Variants in AFG3L2 observed in about 807,000 individuals in gnomAD.
AFG3L2 encodes mitochondrial inner membrane m-AAA protease component AFG3L2.
In AFG3L2, 54 loss-of-function variants were observed where a neutral mutation model predicts 94.5. The ratio of observed to expected loss-of-function variants is 0.57; its 90% confidence interval spans 0.46 to 0.72. The LOEUF is 0.72. AFG3L2 is among the 30% of genes least tolerant of loss of function. The pLI, the probability that AFG3L2 is intolerant of heterozygous loss-of-function variation, is 0.00. For synonymous variants in AFG3L2, 377 were observed against 365.5 expected (o/e 1.03, Z -0.36); for missense variants, 754 against 994.9 (o/e 0.76, Z 3.26).
At chr18:12,338,536 G>A (rs958660925) in intron 15 of AFG3L2, among the ~76,000 whole-genome samples, 33 of 152,096 alleles carry the variant, frequency 2.2e-4, no homozygotes, top group African/African-American at 7.7e-4. Context: ...AAAAAGAGAA[G>A]GCCCAGATAA....
rs762474283 is a variant in AFG3L2 at position 12,351,069 on chromosome 18, G to A, written c.1552+16C>T. ...TAATATGCTTCTAAATAGGGTCCTCGTTATTTTCCACTCACCTGAAAACCC... is the reference window on the plus strand; with the variant it reads ...TAATATGCTTCTAAATAGGGTCCTCATTATTTTCCACTCACCTGAAAACCC... On this transcript the variant is annotated intron_variant, in intron 12 of 16. Coordinates refer to ENST00000269143, the MANE Select transcript of AFG3L2 (RefSeq NM_006796.3). The A allele has an allele frequency of 1.7e-5, 27 of 1,612,124 alleles. No individual in the cohort carries two copies. The South Asian group carries it at 2.1e-4, about 12-fold the overall frequency.
intron 3 of AFG3L2, 146 bp downstream of exon 3, chr18:12,370,703 C>A: frequency 1.7e-6 from 1 of 599,214 alleles, no homozygotes. Context: ...AAGTGATCCA[C>A]CCGCCTAGGC....
intron 10 of AFG3L2, among the ~76,000 whole-genome samples, chr18:12,352,331 T>C (rs944601380): frequency 9.9e-5 from 15 of 151,476 alleles, no homozygotes; most frequent in Non-Finnish European, 2.1e-4. Context: ...TATGCCTGGC[T>C]TCATCATTGA....
At chr18:12,375,424 A>C (rs1252079183) in intron 1 of AFG3L2, among the ~76,000 whole-genome samples, 9 of 151,072 alleles carry the variant, frequency 6.0e-5, no homozygotes, top group Non-Finnish European at 8.8e-5. Context: ...AAAAAAAAAA[A>C]AAACAATTTG....
intron 5 of AFG3L2, 120 bp from the exon 6 acceptor site, chr18:12,363,976 T>C: frequency 1.2e-6 from 1 of 810,898 alleles, no homozygotes; most frequent in Non-Finnish European, 2.1e-6. Context: ...AAGAATCAGA[T>C]AAAGATGCCC....
chr18:12,332,472 T>G (rs987511968), intron 16 of AFG3L2, among the ~76,000 whole-genome samples: 1 of 152,166 alleles, frequency 6.6e-6, no homozygotes, highest in African/African-American at 2.4e-5. Flanking sequence ...GTTATGTTTT[T>G]AAAGATATAA....
chr18:12,352,707 A>G (rs1203910017), intron 10 of AFG3L2, among the ~76,000 whole-genome samples: 1 of 152,088 alleles, frequency 6.6e-6, no homozygotes, highest in Non-Finnish European at 1.5e-5. Flanking sequence ...ATATTTTGCT[A>G]TTATTTGTAT....
At chr18:12,376,571 G>C (rs1431079736) in intron 1 of AFG3L2, among the ~76,000 whole-genome samples, 1 of 152,226 alleles carries the variant, frequency 6.6e-6, no homozygotes, top group East Asian at 1.9e-4. Flanking sequence ...AGGTTAGGCA[G>C]CCCGACTCCA....
chr18:12,333,029 TA>T (rs1323325006), intron 16 of AFG3L2, among the ~76,000 whole-genome samples: 97 of 65,282 alleles, frequency 1.5e-3, no homozygotes, highest in African/African-American at 4.0e-3. Flanking sequence ...TAATAATATA[TA>T]AAAATATATA....
chr18:12,362,229 G>A lies in AFG3L2; in HGVS notation c.627+1553C>T, dbSNP rs532822084. Among the ~76,000 whole-genome samples, 46 of 152,322 alleles carry A rather than the reference G, an allele frequency of 3.0e-4. No homozygotes were observed. In the South Asian group the frequency reaches 6.2e-3, roughly 21 times the overall value. ...CTAGTCAAGAGTAGAACTGATGTAA[G>A]GCTAAAGGCTGTGTGTGTGCAGCAC... On this transcript the variant is annotated intron_variant, in intron 6 of 16. Transcript: ENST00000269143.
chr18:12,360,060 A>G lies in AFG3L2; in HGVS notation c.628-9T>C, dbSNP rs745825310. 1.2e-6 allele frequency: 2 copies of G among 1,613,514 alleles called. No homozygotes were observed. Among genetic ancestry groups the G allele is most frequent in the Non-Finnish European group, 1.7e-6 (2 of 1,179,492 alleles). ...TTAAACCAAACGTATTGCTATAAAA[A>G]CAAAAAAACAAATATCCTAAGAATG... is the stretch of plus-strand genomic sequence containing the variant. On this transcript the variant is annotated splice_polypyrimidine_tract_variant and intron_variant, in intron 6 of 16. Transcript: ENST00000269143.
chr18:12,351,290 G>T lies in AFG3L2; in HGVS notation c.1426+16C>A. The T allele has an allele frequency of 6.2e-7, 1 of 1,614,050 alleles. No individual in the cohort carries two copies. The highest frequency in any genetic ancestry group is 8.5e-7 in the Non-Finnish European group (1 of 1,179,958). ...ACTCATGAGCACTGGACCTGCCCCA[G>T]CAAACATCATCTCACCAATAAAGAT... On this transcript the variant is annotated intron_variant, in intron 11 of 16. Transcript: ENST00000269143.
intron 11 of AFG3L2, 25 bp downstream of exon 11, chr18:12,351,281 C>T (rs773632739): frequency 1.2e-6 from 2 of 1,614,058 alleles, no homozygotes; most frequent in Non-Finnish European, 1.7e-6. Flanking sequence ...GAGCACTGGA[C>T]CTGCCCCAGC....
At chr18:12,364,720 C>T (rs1568144628) in intron 5 of AFG3L2, among the ~76,000 whole-genome samples, 1 of 152,058 alleles carries the variant, frequency 6.6e-6, no homozygotes, top group Non-Finnish European at 1.5e-5. Context: ...GGCTGGAGTG[C>T]AGTGGTACAA....
At chr18:12,372,863 C>G (rs1272238583) in intron 1 of AFG3L2, among the ~76,000 whole-genome samples, 1 of 152,020 alleles carries the variant, frequency 6.6e-6, no homozygotes, top group Non-Finnish European at 1.5e-5. Flanking sequence ...TTAGTAGTTG[C>G]CTAGAGTTGG....
rs372206505 is a variant in AFG3L2, at chr18:12,373,065, A to C, written c.115-1374T>G. 4.3e-4 allele frequency among the ~76,000 whole-genome samples: 65 copies of C among 152,362 alleles called. 2 individuals are homozygous for C. In the South Asian group the frequency reaches 0.013, roughly 31 times the overall value. Reference sequence around the variant, plus strand: ...TTAAAATGTCAATAAAAAACAAATAAAACAGAATGAGATGATTTAACTTCA... The same window carrying C: ...TTAAAATGTCAATAAAAAACAAATACAACAGAATGAGATGATTTAACTTCA... On this transcript the variant is annotated intron_variant, in intron 1 of 16. Coordinates refer to ENST00000269143, the MANE Select transcript of AFG3L2 (RefSeq NM_006796.3).
At chr18:12,332,982 A>ATATT (rs1369596677) in intron 16 of AFG3L2, among the ~76,000 whole-genome samples, 1 of 100,864 alleles carries the variant, frequency 9.9e-6, no homozygotes, top group Admixed American at 1.4e-4. Flanking sequence ...ATATTATATA[A>ATATT]ATATATTATA....
rs565473799 is a variant in AFG3L2, at chr18:12,332,514, A to T, written c.2176-2731T>A. On this transcript the variant is annotated intron_variant, in intron 16 of 16. Transcript: ENST00000269143. ...GAAAGTTTTGTCTTTTCAGTTTTTA[A>T]AAATTTTATTATAAAATGCTTCAAA... Among the ~76,000 whole-genome samples, 68 of 152,250 alleles carry T rather than the reference A, an allele frequency of 4.5e-4. No homozygotes were observed. In the East Asian group the frequency reaches 9.5e-3, roughly 21 times the overall value.
At position 12,344,119 on chromosome 18, in the gene AFG3L2, T is replaced by C. The variant is rs1168849318; in HGVS notation, c.1779+13A>G. On this transcript the variant is annotated intron_variant, in intron 14 of 16. Transcript: ENST00000269143. ...CCATGCACTGGCTGCCTAGTGCAGC[T>C]ACCCTGCTTCACCTTTAAAAGCGGG... The C allele has an allele frequency of 6.2e-7, 1 of 1,610,652 alleles. No individual in the cohort carries two copies.
Sources: gnomAD v4.1 joint callset for allele counts (sites outside exome capture counted in the v4.1 genomes callset) on GRCh38, gnomAD v4.1.1 for gene constraint, MANE v1.5 for transcripts, NCBI Gene and HGNC (gene_info 2026-07-23, HGNC 2026-07-21) for gene names.